The following SPAG16 variants were observed in gnomAD, a reference collection of about 807,000 sequenced individuals.
The protein encoded by SPAG16 is sperm-associated antigen 16 protein.
Under a neutral mutation model 80.4 loss-of-function variants are expected in SPAG16, and 86 were observed. That is an observed-to-expected ratio of 1.07 (90% CI 0.90 to 1.28). SPAG16 has a LOEUF of 1.28. Among genes scored for constraint, SPAG16 ranks in the 50% most tolerant of loss-of-function variants. SPAG16 has a pLI of 0.00. For missense variants in SPAG16, 870 were observed against 765.3 expected, an observed-to-expected ratio of 1.14 and a Z score of -1.61; for synonymous variants, 294 against 265.9, an observed-to-expected ratio of 1.11 and a Z score of -1.03.
chr2:214,039,254 A>G (rs1382080151), intron 13 of SPAG16, among the ~76,000 whole-genome samples: 2 of 152,194 alleles, frequency 1.3e-5, no homozygotes, highest in African/African-American at 4.8e-5. Context: ...GTGAGATGGT[A>G]TCTCACTGTG....
At chr2:213,943,141 C>A (rs1202395418) in intron 12 of SPAG16, among the ~76,000 whole-genome samples, 2 of 152,086 alleles carry the variant, frequency 1.3e-5, no homozygotes, top group Admixed American at 6.6e-5. Flanking sequence ...TTATTTAAAT[C>A]ACCCCGTCTG....
At chr2:213,716,262 G>A (rs1431173666) in intron 10 of SPAG16, among the ~76,000 whole-genome samples, 3 of 152,096 alleles carry the variant, frequency 2.0e-5, no homozygotes, top group Non-Finnish European at 4.4e-5. Flanking sequence ...TAGAGATAGA[G>A]CTATGACCTA....
At chr2:214,117,950 T>C (rs62197899) in intron 14 of SPAG16, among the ~76,000 whole-genome samples, 33,836 of 152,030 alleles carry the variant, frequency 0.22, 4,212 homozygotes, top group Non-Finnish European at 0.28. Flanking sequence ...CTAAGACAAA[T>C]ATGCCTATCT....
intron 14 of SPAG16, among the ~76,000 whole-genome samples, chr2:214,127,912 C>T (rs1306706870): frequency 6.6e-6 from 1 of 151,748 alleles, no homozygotes; most frequent in African/African-American, 2.4e-5. Context: ...AAAAAGTAGA[C>T]CAGTGGTGAG....
intron 9 of SPAG16, among the ~76,000 whole-genome samples, chr2:213,383,038 C>G (rs2067251858): frequency 6.6e-6 from 1 of 152,074 alleles, no homozygotes; most frequent in South Asian, 2.1e-4. Flanking sequence ...ACACATATGG[C>G]ACAGCCCATA....
chr2:213,682,745 G>T (rs780365013), intron 10 of SPAG16, among the ~76,000 whole-genome samples: 7 of 152,102 alleles, frequency 4.6e-5, no homozygotes, highest in Non-Finnish European at 8.8e-5. Flanking sequence ...TTATCTCAGA[G>T]CTGGAATGTT....
intron 10 of SPAG16, among the ~76,000 whole-genome samples, chr2:213,698,406 T>C (rs2065251698): frequency 6.6e-6 from 1 of 152,016 alleles, no homozygotes; most frequent in South Asian, 2.1e-4. Context: ...GGACTATAGG[T>C]GCATGCTACC....
At chr2:214,053,184 G>A (rs1470993921) in intron 13 of SPAG16, among the ~76,000 whole-genome samples, 2 of 152,178 alleles carry the variant, frequency 1.3e-5, no homozygotes, top group Admixed American at 1.3e-4. Flanking sequence ...AAATACGGAT[G>A]ACAGCTATTC....
intron 9 of SPAG16, among the ~76,000 whole-genome samples, chr2:213,479,397 G>A (rs978474700): frequency 6.6e-6 from 1 of 151,870 alleles, no homozygotes; most frequent in Admixed American, 6.6e-5. Context: ...ACTTGTATAT[G>A]TTTATTATTT....
At chr2:213,607,639 A>G (rs1236753387) in intron 10 of SPAG16, among the ~76,000 whole-genome samples, 4 of 152,230 alleles carry the variant, frequency 2.6e-5, no homozygotes, top group Admixed American at 1.3e-4. Context: ...TTAGATGCAC[A>G]CCGGAATCTA....
intron 13 of SPAG16, among the ~76,000 whole-genome samples, chr2:214,048,680 T>C (rs1356450648): frequency 2.0e-5 from 3 of 152,170 alleles, no homozygotes; most frequent in Admixed American, 2.0e-4. Flanking sequence ...ATTATTTAAT[T>C]GTACACTGTA....
intron 5 of SPAG16, among the ~76,000 whole-genome samples, chr2:213,324,802 T>G (rs1357732220): frequency 6.6e-6 from 1 of 152,156 alleles, no homozygotes; most frequent in Non-Finnish European, 1.5e-5. Context: ...TAACTCTGTA[T>G]GAACTGCTCG....
At chr2:214,183,946 A>G (rs2057388512) in intron 15 of SPAG16, among the ~76,000 whole-genome samples, 2 of 152,062 alleles carry the variant, frequency 1.3e-5, no homozygotes, top group African/African-American at 4.8e-5. Flanking sequence ...TTTGACATAA[A>G]TCTTGACTCA....
intron 10 of SPAG16, among the ~76,000 whole-genome samples, chr2:213,793,035 T>C (rs1196945291): frequency 2.0e-5 from 3 of 152,090 alleles, no homozygotes; most frequent in Admixed American, 1.3e-4. Flanking sequence ...CAAGCGATTC[T>C]CCTGCCTCAG....
intron 6 of SPAG16, among the ~76,000 whole-genome samples, chr2:213,347,283 T>C (rs1386815376): frequency 6.6e-6 from 1 of 152,204 alleles, no homozygotes; most frequent in Non-Finnish European, 1.5e-5. Context: ...TCTTTTCTTC[T>C]TTATTAGTCT....
At chr2:214,408,780 G>A (rs1702139367) in intron 15 of SPAG16, among the ~76,000 whole-genome samples, 1 of 152,098 alleles carries the variant, frequency 6.6e-6, no homozygotes, top group Admixed American at 6.6e-5. Context: ...TAAAAGCCCA[G>A]GCTCTGGATT....
chr2:213,426,704 C>T (rs1254840039), intron 9 of SPAG16, among the ~76,000 whole-genome samples: 1 of 151,742 alleles, frequency 6.6e-6, no homozygotes, highest in African/African-American at 2.4e-5. Flanking sequence ...TCTTTAAAAC[C>T]TCATTAACTG....
At chr2:214,245,879 T>G (rs1689806358) in intron 15 of SPAG16, among the ~76,000 whole-genome samples, 1 of 152,204 alleles carries the variant, frequency 6.6e-6, no homozygotes, top group Admixed American at 6.6e-5. Context: ...CTAGTACACT[T>G]CAAAGGGCCT....
At chr2:213,914,433 C>G (rs1399965632) in intron 11 of SPAG16, among the ~76,000 whole-genome samples, 2 of 152,008 alleles carry the variant, frequency 1.3e-5, no homozygotes, top group Non-Finnish European at 2.9e-5. Flanking sequence ...TATTTTATTA[C>G]TCTTCAAAGA....
Sources: allele counts gnomAD v4.1 joint callset (sites outside exome capture counted in the v4.1 genomes callset), GRCh38; gene constraint gnomAD v4.1.1; transcripts MANE v1.5; gene names NCBI Gene and HGNC (gene_info 2026-07-23, HGNC 2026-07-21).